SLC6A3: variants seen among roughly 807,000 people sequenced by gnomAD.
SLC6A3 encodes solute carrier family 6 member 3.
A neutral mutation model predicts 70.4 loss-of-function variants in SLC6A3; 19 were observed. That is an observed-to-expected ratio of 0.27 (90% CI 0.19 to 0.40). SLC6A3 has a LOEUF of 0.40. SLC6A3 is among the 10% of genes least tolerant of loss of function. SLC6A3 has a pLI of 1.00. For synonymous variants in SLC6A3, 368 were observed against 356.6 expected, an observed-to-expected ratio of 1.03 and a Z score of -0.36; for missense variants, 613 against 838.5, an observed-to-expected ratio of 0.73 and a Z score of 3.32.
chr5:1,442,842 G>C lies in SLC6A3; in HGVS notation c.286+70C>G. ...ACAGCTTCATCTCGTTTCCGTACGTGCCTTGGCCCCGGCTGCCCCTACGAC... is the reference window on the plus strand; with the variant it reads ...ACAGCTTCATCTCGTTTCCGTACGTCCCTTGGCCCCGGCTGCCCCTACGAC... On this transcript the variant is annotated intron_variant, in intron 2 of 14. Coordinates refer to ENST00000270349, the MANE Select transcript of SLC6A3 (RefSeq NM_001044.5). The surrounding 1 kb of genome is among the most constrained non-coding windows in gnomAD (Gnocchi z 5.0). 2.0e-6 allele frequency: 3 copies of C among 1,506,134 alleles called. No individual in the cohort carries two copies. In the East Asian group the frequency reaches 6.8e-5, roughly 34 times the overall value. 93.3% of individuals were successfully genotyped at this position (1,506,134 alleles called of 1,614,324 possible).
At chr5:1,425,988 T>C (rs1756565711) in intron 4 of SLC6A3, among the ~76,000 whole-genome samples, 1 of 152,172 alleles carries the variant, frequency 6.6e-6, no homozygotes, top group South Asian at 2.1e-4. Flanking sequence ...CCCATTAGGA[T>C]GGCTATGATC....
chr5:1,429,827 GA>G (rs1396161026), intron 4 of SLC6A3, among the ~76,000 whole-genome samples: 2 of 152,216 alleles, frequency 1.3e-5, no homozygotes, highest in Non-Finnish European at 2.9e-5. Flanking sequence ...CACACAGCAA[GA>G]GCACATGCAG....
intron 8 of SLC6A3, among the ~76,000 whole-genome samples, chr5:1,412,463 G>A (rs952692678): frequency 4.6e-5 from 7 of 152,240 alleles, no homozygotes; most frequent in Non-Finnish European, 8.8e-5. Flanking sequence ...TGGCAAAGGC[G>A]GAGGAGGTGT....
chr5:1,394,585 G>T lies in SLC6A3; in HGVS notation c.*150C>A. The T allele has an allele frequency of 1.2e-6, 1 of 813,588 alleles. No individual in the cohort carries two copies. 50.4% of individuals were successfully genotyped at this position (813,588 alleles called of 1,614,324 possible). On this transcript the variant is annotated 3_prime_UTR_variant, in exon 15 of 15. Transcript: ENST00000270349. The surrounding 1 kb of genome is among the most constrained non-coding windows in gnomAD (Gnocchi z 4.7). ...CACGGAAAGGTGTAAACAGTCAGAA[G>T]AGAGGAGTCTTCTGCTTTGTTGTTT...
At chr5:1,398,419 C>T (rs937746588) in intron 14 of SLC6A3, among the ~76,000 whole-genome samples, 1 of 147,216 alleles carries the variant, frequency 6.8e-6, no homozygotes, top group African/African-American at 2.5e-5. Flanking sequence ...GAGAAATAAA[C>T]GGAATAATAA....
At position 1,406,114 on chromosome 5, in the gene SLC6A3, TG is replaced by T; in HGVS notation, c.1599+73del. On this transcript the variant is annotated intron_variant, in intron 12 of 14. Transcript: ENST00000270349. This position sits in a 1 kb window ranked among gnomAD's most constrained non-coding sequence, Gnocchi z 8.8. ...ACAGTGACAACCCACATGCGGGCGC[TG>T]GACCTCGGGGCAGGTGCCAGAGTGG... The T allele has an allele frequency of 9.0e-7, 1 of 1,106,970 alleles. No individual in the cohort carries two copies. The highest frequency in any genetic ancestry group is 1.4e-6 in the Non-Finnish European group (1 of 718,704). 68.6% of individuals were successfully genotyped at this position (1,106,970 alleles called of 1,614,324 possible). A position where few individuals can be genotyped will look rare whatever the true frequency, so the allele number is the denominator to read the frequency against.
At position 1,404,376 on chromosome 5, in the gene SLC6A3, C is replaced by G. The variant is rs1454890649; in HGVS notation, c.1600-1287G>C. 6.6e-6 allele frequency among the ~76,000 whole-genome samples: 1 copy of G among 152,236 alleles called. No homozygotes were observed. Among genetic ancestry groups the G allele is most frequent in the Admixed American group, 6.5e-5 (1 of 15,292 alleles). ...AGCATGCTTTAAAGAGCCACGCGTG[C>G]ATCCCTGGACATGTCGGGCTTGCCT... On this transcript the variant is annotated intron_variant, in intron 12 of 14. Coordinates refer to ENST00000270349, the MANE Select transcript of SLC6A3 (RefSeq NM_001044.5). This position sits in a 1 kb window ranked among gnomAD's most constrained non-coding sequence, Gnocchi z 5.2.
chr5:1,407,054 TAAAC>T (rs1755999889), intron 11 of SLC6A3, among the ~76,000 whole-genome samples: 1 of 152,188 alleles, frequency 6.6e-6, no homozygotes, highest in Non-Finnish European at 1.5e-5. Context: ...AGAAACATAA[TAAAC>T]ATTTTTTCTC....
chr5:1,396,673 C>T lies in SLC6A3; in HGVS notation c.1840-1915G>A, dbSNP rs538751090. On this transcript the variant is annotated intron_variant, in intron 14 of 14. Coordinates refer to ENST00000270349, the MANE Select transcript of SLC6A3 (RefSeq NM_001044.5). The surrounding 1 kb of genome is among the most constrained non-coding windows in gnomAD (Gnocchi z 7.0). ...ATGAGGAGGCTGGGGAGAGATCCGC[C>T]GACAGGACCAGAGGGAACCACCTCT... Among the ~76,000 whole-genome samples, 7 of 152,188 alleles carry T rather than the reference C, an allele frequency of 4.6e-5. No homozygotes were observed. The highest frequency in any genetic ancestry group is 4.2e-4 in the South Asian group (2 of 4,796).
At chr5:1,409,671 G>A (rs1181700324) in intron 10 of SLC6A3, 50 bp downstream of exon 10, 5 of 1,610,212 alleles carry the variant, frequency 3.1e-6, no homozygotes, top group Middle Eastern at 1.6e-4. Context: ...CCCGTGCCAC[G>A]TGCTAAGGAG....
rs575074072 is a variant in SLC6A3 at position 1,407,496 on chromosome 5, G to A, written c.1499-1208C>T. 4.0e-3 allele frequency among the ~76,000 whole-genome samples: 607 copies of A among 152,364 alleles called. 2 individuals carry two copies. The highest frequency in any genetic ancestry group is 6.7e-3 in the Non-Finnish European group (454 of 68,036). On this transcript the variant is annotated intron_variant, in intron 11 of 14. Coordinates refer to ENST00000270349, the MANE Select transcript of SLC6A3 (RefSeq NM_001044.5). Reference sequence around the variant, plus strand: ...GCTCCAAGACCTACAGGACCGCAGCGTGCTGGAAGCCCGGCGTATTCCGGC... The same window carrying A: ...GCTCCAAGACCTACAGGACCGCAGCATGCTGGAAGCCCGGCGTATTCCGGC...
At chr5:1,427,903 G>T (rs964655437) in intron 4 of SLC6A3, among the ~76,000 whole-genome samples, 1 of 152,164 alleles carries the variant, frequency 6.6e-6, no homozygotes, top group African/African-American at 2.4e-5. Context: ...TTACAGTTGA[G>T]ATTTCAGTAC....
chr5:1,428,570 A>G (rs1363868234), intron 4 of SLC6A3, among the ~76,000 whole-genome samples: 1 of 152,094 alleles, frequency 6.6e-6, no homozygotes, highest in African/African-American at 2.4e-5. Flanking sequence ...CTCTCCAGGA[A>G]CCATTTCTGC....
intron 2 of SLC6A3, 85 bp from the exon 3 acceptor site, chr5:1,441,575 A>G (rs1454597321): frequency 3.3e-6 from 5 of 1,501,998 alleles, no homozygotes; most frequent in Non-Finnish European, 3.6e-6. Context: ...ACCCCAGTCA[A>G]CCATCCATGT....
rs1165601768 is a variant in SLC6A3, at chr5:1,398,000, A to T, written c.1839+2915T>A. Among the ~76,000 whole-genome samples the T allele has an allele frequency of 1.3e-5, 2 of 152,236 alleles. No individual in the cohort carries two copies. Among genetic ancestry groups the T allele is most frequent in the Non-Finnish European group, 2.9e-5 (2 of 68,046 alleles). On this transcript the variant is annotated intron_variant, in intron 14 of 14. Transcript: ENST00000270349. This position sits in a 1 kb window ranked among gnomAD's most constrained non-coding sequence, Gnocchi z 4.7. Reference sequence around the variant, plus strand: ...TAAGTCCTTATAATGGGATGGGGTTAAAATATGGTTTCTCTGTAGAGTTTA... The same window carrying T: ...TAAGTCCTTATAATGGGATGGGGTTTAAATATGGTTTCTCTGTAGAGTTTA...
chr5:1,412,945 G>A (rs896545407), intron 8 of SLC6A3, among the ~76,000 whole-genome samples: 2 of 152,186 alleles, frequency 1.3e-5, no homozygotes, highest in African/African-American at 4.8e-5. Flanking sequence ...GAGATGTTCC[G>A]GGGCTTAGAT....
intron 11 of SLC6A3, among the ~76,000 whole-genome samples, chr5:1,407,516 T>C (rs997840360): frequency 6.6e-6 from 1 of 152,244 alleles, no homozygotes; most frequent in Non-Finnish European, 1.5e-5. Context: ...CCCGGCGTAT[T>C]CCGGCACATC....
At chr5:1,395,501 C>T (rs1048624778) in intron 14 of SLC6A3, among the ~76,000 whole-genome samples, 1 of 152,226 alleles carries the variant, frequency 6.6e-6, no homozygotes, top group African/African-American at 2.4e-5. Flanking sequence ...GGCCACACCA[C>T]AGGCTCCTCT....
At chr5:1,412,987 T>C (rs1756164242) in intron 8 of SLC6A3, among the ~76,000 whole-genome samples, 2 of 152,230 alleles carry the variant, frequency 1.3e-5, no homozygotes, top group Non-Finnish European at 1.5e-5. Flanking sequence ...AAGATATTCA[T>C]CAGCTCAGGG....
Sources: allele counts gnomAD v4.1 joint callset (sites outside exome capture counted in the v4.1 genomes callset), GRCh38; gene constraint gnomAD v4.1.1; non-coding constraint Gnocchi (gnomAD v3.1); transcripts MANE v1.5; gene names NCBI Gene and HGNC (gene_info 2026-07-23, HGNC 2026-07-21).